Variants in CLEC4F observed in about 807,000 individuals in gnomAD.
CLEC4F encodes C-type (calcium dependent, carbohydrate-recognition domain) lectin, superfamily member 13.
CLEC4F carries 45 observed loss-of-function variants against 53.4 expected under a neutral mutation model. The ratio of observed to expected loss-of-function variants is 0.84; its 90% CI spans 0.66 to 1.08. The LOEUF (loss-of-function observed/expected upper bound fraction) is 1.08, where lower values mean the gene tolerates loss of function less well. CLEC4F is among the 50% of genes least tolerant of loss of function. The pLI is 0.00. For synonymous variants in CLEC4F, 245 were observed against 257.5 expected (o/e 0.95, Z 0.46); for missense variants, 753 against 698.2 (o/e 1.08, Z -0.88).
At chr2:70,813,981 G>C (rs782486253) in intron 4 of CLEC4F, among the ~76,000 whole-genome samples, 7 of 152,126 alleles carry the variant, frequency 4.6e-5, no homozygotes, top group Non-Finnish European at 7.4e-5. Context: ...GCCCCGTCTG[G>C]AGCTGAGTCT....
chr2:70,816,932 T>C lies in CLEC4F; in HGVS notation c.449A>G (p.Gln150Arg). The C allele has an allele frequency of 6.2e-7, 1 of 1,614,232 alleles. No homozygotes were observed. The highest frequency in any genetic ancestry group is 2.2e-5 in the East Asian group (1 of 44,888). ...DHLGNTNADI[Q>R]MVKGVLKDAT... ...ATCCTTTAGAACTCCTTTTACCATC[T>C]GGATGTCAGCATTGGTGTTTCCCAG... The change falls in exon 4 of 7, where the codon CAG becomes CGG. Residue 150 changes from glutamine to arginine, a missense_variant. Physicochemically the swap from Gln to Arg is conservative, Grantham distance 43. Transcript: ENST00000272367.
At chr2:70,821,655 G>C (rs1409807152), upstream of CLEC4F, among the ~76,000 whole-genome samples, 2 of 152,204 alleles carry the variant, frequency 1.3e-5, no homozygotes, top group Non-Finnish European at 2.9e-5. Flanking sequence ...AGGAAGTACA[G>C]TGTTTTTCTG....
At chr2:70,813,559 CTT>C (rs1558612392) in intron 4 of CLEC4F, among the ~76,000 whole-genome samples, 72 of 139,184 alleles carry the variant, frequency 5.2e-4, no homozygotes, top group African/African-American at 1.8e-3. Flanking sequence ...TTCTTTTTTT[CTT>C]TCTTTCTCTT....
chr2:70,825,042 G>A (rs2863806), upstream of CLEC4F, among the ~76,000 whole-genome samples: 91,693 of 151,768 alleles, frequency 0.6, 28,172 homozygotes, highest in Middle Eastern at 0.7. Flanking sequence ...CAAGGTCAAC[G>A]CCAACAGTAA....
At chr2:70,818,902 T>C (rs1268619571) in intron 3 of CLEC4F, among the ~76,000 whole-genome samples, 4 of 151,678 alleles carry the variant, frequency 2.6e-5, no homozygotes, top group African/African-American at 9.7e-5. Context: ...AGTCACAGAC[T>C]GAGAGAAAAA....
chr2:70,818,175 G>C (rs1261195836), intron 3 of CLEC4F, among the ~76,000 whole-genome samples: 1 of 152,160 alleles, frequency 6.6e-6, no homozygotes, highest in East Asian at 1.9e-4. Flanking sequence ...GTAAGAGAGG[G>C]GACCTTTCAA....
At position 70,811,088 on chromosome 2, in the gene CLEC4F, C is replaced by A; in HGVS notation, c.1540-1231G>T. 3 of 682,942 alleles carry A rather than the reference C, an allele frequency of 4.4e-6. No homozygotes were observed. The East Asian group carries it at 1.2e-4, about 26-fold the overall frequency. 42.3% of individuals were successfully genotyped at this position (682,942 alleles called of 1,614,324 possible). On this transcript the variant is annotated intron_variant, in intron 5 of 6. Coordinates refer to ENST00000272367, the MANE Select transcript of CLEC4F (RefSeq NM_173535.3). ...CCATTCAGAAGACATGCAGCACCAA[C>A]AAGTGTGTGTCTAGTATAGTCTATA... is the stretch of plus-strand genomic sequence containing the variant.
At chr2:70,813,270 A>G (rs1553394763) in intron 4 of CLEC4F, among the ~76,000 whole-genome samples, 2 of 152,206 alleles carry the variant, frequency 1.3e-5, no homozygotes. Context: ...CCACTGCCAT[A>G]CTGTACAAAG....
At position 70,816,243 on chromosome 2, in the gene CLEC4F, T is replaced by G. The variant is rs115197636; in HGVS notation, c.1138A>C (p.Asn380His). Residue 380 changes from asparagine (N) to histidine (H), a missense_variant, in exon 4 of 7, where the codon AAT (asparagine) becomes CAT (histidine). Asn to His is a moderately conservative substitution (Grantham distance 68). Coordinates refer to ENST00000272367, the MANE Select transcript of CLEC4F (RefSeq NM_173535.3). ...NTLNAQIQVLNGHMKNASREI... is the reference protein window; with the variant it reads ...NTLNAQIQVLHGHMKNASREI... ...CTGCTGGCATTTTTCATATGACCAT[T>G]TAAGACCTGAATCTGGGCATTTAAG... is the stretch of plus-strand genomic sequence containing the variant. 5.9e-4 allele frequency: 948 copies of G among 1,614,224 alleles called. 6 individuals carry two copies. In the African/African-American group the frequency reaches 0.011, roughly 18 times the overall value.
Position 70,816,847 on chromosome 2 carries a change from A to C in CLEC4F, c.534T>G (p.Ala178=). ...GGTCTTCCTTGAGCCTCTGGATCTC[A>C]GCATTGGTTCCCTCCAGGGAACTCC... ...MLRSSLEGTN[A]EIQRLKEDLE... Residue 178 remains alanine (A), a synonymous_variant, in exon 4 of 7, where the codon GCT becomes GCG. Transcript: ENST00000272367. 1.2e-6 allele frequency: 2 copies of C among 1,614,178 alleles called. No homozygotes were observed.
At chr2:70,825,054 G>T (rs1677313761), upstream of CLEC4F, among the ~76,000 whole-genome samples, 1 of 152,180 alleles carries the variant, frequency 6.6e-6, no homozygotes, top group Non-Finnish European at 1.5e-5. Context: ...CAACAGTAAT[G>T]AATTCTATTG....
At chr2:70,817,913 C>G (rs972605256) in intron 3 of CLEC4F, among the ~76,000 whole-genome samples, 2 of 152,180 alleles carry the variant, frequency 1.3e-5, no homozygotes, top group African/African-American at 4.8e-5. Context: ...AAGGAGACCC[C>G]ACAGCCCCTT....
At chr2:70,824,399 A>G (rs67159781), upstream of CLEC4F, among the ~76,000 whole-genome samples, 91,213 of 151,130 alleles carry the variant, frequency 0.6, 28,011 homozygotes, top group Middle Eastern at 0.69. Context: ...AAAAAATTAG[A>G]TGTACACACA....
chr2:70,809,808 G>C lies in CLEC4F; in HGVS notation c.1589C>G (p.Thr530Ser), dbSNP rs782555838. The change falls in exon 6 of 7, where the codon ACT becomes AGT. Residue 530 changes from threonine to serine, a missense_variant. Transcript: ENST00000272367. ...TSKVYYWIGL[T>S]DRGTEGSWRW... ...CCAGGAGCCCTCTGTGCCCCTGTCA[G>C]TGAGACCGATCCAGTAGTACACTTT... 6.2e-7 allele frequency: 1 copy of C among 1,614,212 alleles called. No individual in the cohort carries two copies. Among genetic ancestry groups the C allele is most frequent in the South Asian group, 1.1e-5 (1 of 91,084 alleles).
At chr2:70,815,691 A>G (rs1411698116) in intron 4 of CLEC4F, among the ~76,000 whole-genome samples, 3 of 152,236 alleles carry the variant, frequency 2.0e-5, no homozygotes, top group African/African-American at 4.8e-5. Flanking sequence ...CATTTGGGGT[A>G]TCAGGAAGTC....
At chr2:70,812,677 G>T in intron 4 of CLEC4F, 79 bp from the exon 5 acceptor site, 1 of 1,448,212 alleles carries the variant, frequency 6.9e-7, no homozygotes, top group Non-Finnish European at 9.5e-7. Context: ...GACCTCTCTA[G>T]GGCCTGCCCA....
At chr2:70,810,318 A>G (rs1478966734) in intron 5 of CLEC4F, among the ~76,000 whole-genome samples, 3 of 152,148 alleles carry the variant, frequency 2.0e-5, no homozygotes, top group African/African-American at 7.2e-5. Flanking sequence ...GAATAACTTA[A>G]AAAGTATTTC....
Position 70,812,619 on chromosome 2 carries a change from A to G in CLEC4F, c.1388-21T>C, listed in dbSNP as rs114747344. The G allele has an allele frequency of 9.1e-4, 1,473 of 1,612,702 alleles. 13 individuals carry two copies. In the African/African-American group the frequency reaches 0.018, roughly 19 times the overall value. On this transcript the variant is annotated intron_variant, in intron 4 of 6. Coordinates refer to ENST00000272367, the MANE Select transcript of CLEC4F (RefSeq NM_173535.3). The stretch of plus-strand genomic sequence containing the variant: ...CTGACCTGGAGCAAAGATTGGGGAG[A>G]AAAGAGAACCAGGAGCTGCTGGTAG...
chr2:70,824,580 G>T (rs1677300868), upstream of CLEC4F, among the ~76,000 whole-genome samples: 1 of 120,992 alleles, frequency 8.3e-6, no homozygotes, highest in Non-Finnish European at 1.6e-5. Context: ...GATGAGCCTG[G>T]AGCATCTTGT....
Sources: gnomAD v4.1 joint callset for allele counts (sites outside exome capture counted in the v4.1 genomes callset) on GRCh38, gnomAD v4.1.1 for gene constraint, MANE v1.5 for transcripts, NCBI Gene and HGNC (gene_info 2026-07-23, HGNC 2026-07-21) for gene names.